The following DIS3L2 variants were observed in gnomAD, a reference collection of about 807,000 sequenced individuals.
DIS3L2 encodes DIS3-like exonuclease 2.
Under a neutral mutation model 97.5 loss-of-function variants are expected in DIS3L2, and 34 were observed. The observed-to-expected ratio is 0.35, with a 90% CI of 0.27 to 0.46. The LOEUF (loss-of-function observed/expected upper bound fraction) is 0.46, where lower values mean the gene tolerates loss of function less well. Ranked by LOEUF, DIS3L2 falls within the 20% of genes least tolerant of loss-of-function variation. DIS3L2 has a pLI of 1.00. For missense variants in DIS3L2, 1,038 were observed against 1,146.0 expected (o/e 0.91, Z 1.36); for synonymous variants, 435 against 445.2 (o/e 0.98, Z 0.29).
intron 7 of DIS3L2, among the ~76,000 whole-genome samples, chr2:232,134,157 A>G (rs935228989): frequency 9.2e-5 from 14 of 152,236 alleles, no homozygotes; most frequent in Admixed American, 4.6e-4. Flanking sequence ...CAAAGAAAGT[A>G]TAGACTGAAA....
intron 12 of DIS3L2, among the ~76,000 whole-genome samples, chr2:232,254,129 T>G (rs951661043): frequency 6.6e-6 from 1 of 152,248 alleles, no homozygotes; most frequent in African/African-American, 2.4e-5. Context: ...AATGCCTTGG[T>G]GTCATTCTGA....
intron 1 of DIS3L2, among the ~76,000 whole-genome samples, chr2:232,006,578 C>G (rs948547093): frequency 6.6e-6 from 1 of 151,916 alleles, no homozygotes; most frequent in Non-Finnish European, 1.5e-5. Context: ...AAGTGCTTGC[C>G]GGTATTATTC....
chr2:232,018,483 CAG>C (rs1694418165), intron 3 of DIS3L2, among the ~76,000 whole-genome samples: 1 of 152,132 alleles, frequency 6.6e-6, no homozygotes, highest in Non-Finnish European at 1.5e-5. Context: ...GGCAGAGAAA[CAG>C]AGTCCATCTG....
At chr2:232,157,386 C>G (rs73095656) in intron 8 of DIS3L2, among the ~76,000 whole-genome samples, 1,786 of 152,246 alleles carry the variant, frequency 0.012, 37 homozygotes, top group African/African-American at 0.04. Context: ...ATGGCACTCC[C>G]CCCTCACAAC....
chr2:232,191,178 A>G (rs1003204756), intron 9 of DIS3L2, among the ~76,000 whole-genome samples: 1 of 152,346 alleles, frequency 6.6e-6, no homozygotes, highest in South Asian at 2.1e-4. Context: ...GCTTGAAAGA[A>G]GCAGGGTCCT....
intron 13 of DIS3L2, among the ~76,000 whole-genome samples, chr2:232,274,606 G>A (rs1694092611): frequency 6.6e-6 from 1 of 152,174 alleles, no homozygotes; most frequent in Non-Finnish European, 1.5e-5. Flanking sequence ...AAAGGCTGCT[G>A]CCAGACTGAG....
chr2:232,251,740 C>T (rs1464016006), intron 12 of DIS3L2, among the ~76,000 whole-genome samples: 2 of 152,190 alleles, frequency 1.3e-5, no homozygotes, highest in African/African-American at 2.4e-5. Flanking sequence ...TCTACCACAA[C>T]CCTAGAAATT....
intron 6 of DIS3L2, among the ~76,000 whole-genome samples, chr2:232,098,046 T>A (rs1378157816): frequency 6.6e-6 from 1 of 152,164 alleles, no homozygotes; most frequent in Non-Finnish European, 1.5e-5. Flanking sequence ...AGAAATGTCA[T>A]CAGTGGAAAA....
At chr2:232,068,185 T>C (rs1052592561) in intron 5 of DIS3L2, among the ~76,000 whole-genome samples, 9 of 152,230 alleles carry the variant, frequency 5.9e-5, no homozygotes, top group African/African-American at 2.2e-4. Context: ...GTGAAATCTA[T>C]ATATTTTAGA....
Position 232,014,860 on chromosome 2 carries a change from C to A in DIS3L2, c.-68C>A, listed in dbSNP as rs144258056. On this transcript the variant is annotated 5_prime_UTR_variant, in exon 2 of 21. Transcript: ENST00000325385. ...CGAATGACAACAGAGCTGCTCAAGG[C>A]GGGAACTCTGAGCTAAGCAGTGGAG... 107 of 1,541,256 alleles carry A rather than the reference C, an allele frequency of 6.9e-5. No homozygotes were observed. In the African/African-American group the frequency reaches 1.2e-3, roughly 17 times the overall value.
At chr2:232,312,676 C>G (rs1452896764) in intron 14 of DIS3L2, among the ~76,000 whole-genome samples, 1 of 152,190 alleles carries the variant, frequency 6.6e-6, no homozygotes, top group African/African-American at 2.4e-5. Flanking sequence ...TGCTTTGAAT[C>G]CATATGTCAA....
downstream of DIS3L2, among the ~76,000 whole-genome samples, chr2:232,338,834 C>T (rs1696046652): frequency 6.6e-6 from 1 of 152,292 alleles, no homozygotes; most frequent in South Asian, 2.1e-4. Context: ...AAAGAGTGAC[C>T]AGGCACCGAC....
At chr2:232,273,571 C>T (rs1193612800) in intron 13 of DIS3L2, among the ~76,000 whole-genome samples, 2 of 152,140 alleles carry the variant, frequency 1.3e-5, no homozygotes, top group South Asian at 2.1e-4. Flanking sequence ...GGGTTTAGAA[C>T]AAGGTATAAT....
chr2:232,305,191 T>A (rs1694956438), intron 14 of DIS3L2, among the ~76,000 whole-genome samples: 1 of 152,188 alleles, frequency 6.6e-6, no homozygotes, highest in Non-Finnish European at 1.5e-5. Flanking sequence ...TTCTCTTGCC[T>A]CAGCCTCCTG....
chr2:232,117,353 G>A (rs376197401), intron 6 of DIS3L2, among the ~76,000 whole-genome samples: 1 of 152,252 alleles, frequency 6.6e-6, no homozygotes, highest in East Asian at 1.9e-4. Context: ...TTATTTGTAT[G>A]AAACCTTCAT....
intron 14 of DIS3L2, among the ~76,000 whole-genome samples, chr2:232,327,549 G>T (rs1162425119): frequency 6.6e-6 from 1 of 152,198 alleles, no homozygotes; most frequent in East Asian, 1.9e-4. Flanking sequence ...ACCAGTATCA[G>T]ATTATTTTTC....
chr2:232,033,238 G>A (rs1694859869), intron 5 of DIS3L2, among the ~76,000 whole-genome samples: 1 of 151,732 alleles, frequency 6.6e-6, no homozygotes. Flanking sequence ...TCTCTTTGTA[G>A]CAATTGTGAA....
intron 9 of DIS3L2, among the ~76,000 whole-genome samples, chr2:232,210,043 C>T (rs1398397934): frequency 6.6e-6 from 1 of 152,152 alleles, no homozygotes; most frequent in Non-Finnish European, 1.5e-5. Flanking sequence ...TCTTGAGAAG[C>T]CTCGTTCATG....
downstream of DIS3L2, among the ~76,000 whole-genome samples, chr2:232,337,876 G>A (rs1294845606): frequency 6.6e-6 from 1 of 151,550 alleles, no homozygotes; most frequent in Admixed American, 6.6e-5. Context: ...GGCAACCAAA[G>A]ACATCCCGCA....
Sources: gnomAD v4.1 joint callset for allele counts (sites outside exome capture counted in the v4.1 genomes callset) on GRCh38, gnomAD v4.1.1 for gene constraint, MANE v1.5 for transcripts, NCBI Gene and HGNC (gene_info 2026-07-23, HGNC 2026-07-21) for gene names.